The following R3HDM2 variants were observed in gnomAD, a reference collection of about 807,000 sequenced individuals.
The protein encoded by R3HDM2 is R3H domain containing 2, also known as R3H domain-containing protein 2.
A neutral mutation model predicts 124.5 loss-of-function variants in R3HDM2; 38 were observed. The observed-to-expected ratio is 0.31, with a 90% CI of 0.24 to 0.40. R3HDM2 has a LOEUF of 0.40. Ranked by LOEUF, R3HDM2 falls within the 10% of genes least tolerant of loss-of-function variation. The pLI, the probability that R3HDM2 is intolerant of heterozygous loss-of-function variation, is 1.00. For missense variants in R3HDM2, 869 were observed against 1,236.9 expected (o/e 0.70, Z 4.46); for synonymous variants, 391 against 448.0 (o/e 0.87, Z 1.61).
intron 2 of R3HDM2, among the ~76,000 whole-genome samples, chr12:57,316,136 T>C (rs905793934): frequency 1.3e-5 from 2 of 152,184 alleles, no homozygotes; most frequent in Admixed American, 1.3e-4. Context: ...ACCACCAGCC[T>C]CTTGAAGAGC....
Position 57,272,472 on chromosome 12 carries a change from G to A in R3HDM2, c.1345-2478C>T, listed in dbSNP as rs143617893. 8.2e-4 allele frequency: 1,274 copies of A among 1,550,664 alleles called. 7 individuals are homozygous for A. In the Middle Eastern group the frequency reaches 8.5e-3, roughly 10 times the overall value. On this transcript the variant is annotated intron_variant, in intron 14 of 23. Coordinates refer to ENST00000402412, the MANE Select transcript of R3HDM2 (RefSeq NM_001394031.1). ...TTATACCATGTTGTACTGCTGGGGC[G>A]GAGAGACTGGCAGAAGGACTTGGGG...
chr12:57,296,518 T>G lies in R3HDM2; in HGVS notation c.594A>C (p.Ser198=). The G allele has an allele frequency of 6.4e-7, 1 of 1,551,882 alleles. No homozygotes were observed. The highest frequency in any genetic ancestry group is 8.7e-7 in the Non-Finnish European group (1 of 1,146,988). The change falls in exon 9 of 24, where the codon TCA becomes TCC. Residue 198 remains serine (S), a synonymous_variant. Transcript: ENST00000402412. The surrounding 1 kb of genome is among the most constrained non-coding windows in gnomAD (Gnocchi z 4.5). ...CCCGGTGTAATAGCATCCGGTGATA[T>G]GAGGTCATCTGAGGGAACTTCTTGA... ...NQFKKFPQMT[S]YHRMLLHRVA... is the part of the protein sequence containing the mutation.
chr12:57,341,241 T>C (rs1167232745), intron 2 of R3HDM2: 2 of 192,172 alleles, frequency 1.0e-5, no homozygotes, highest in Non-Finnish European at 1.9e-5. Context: ...TCAGGCACCC[T>C]GCTTCAGCAA....
rs549810404 is a variant in R3HDM2 at position 57,344,144 on chromosome 12, C to T, written c.-35-33681G>A. Among the ~76,000 whole-genome samples the T allele has an allele frequency of 4.6e-5, 7 of 152,240 alleles. No homozygotes were observed. The South Asian group carries it at 8.3e-4, about 18-fold the overall frequency. Reference sequence around the variant, plus strand: ...TCATGATGACTCTTCACACCTAAAACAATTCAGTACGTATCTCCTAACGTT... The same window carrying T: ...TCATGATGACTCTTCACACCTAAAATAATTCAGTACGTATCTCCTAACGTT... On this transcript the variant is annotated intron_variant, in intron 2 of 23. Transcript: ENST00000402412.
chr12:57,359,035 A>G (rs529277617), intron 2 of R3HDM2, among the ~76,000 whole-genome samples: 1 of 151,756 alleles, frequency 6.6e-6, no homozygotes, highest in African/African-American at 2.4e-5. Flanking sequence ...CTCCTGCCTC[A>G]GCCTCCCGAG....
intron 2 of R3HDM2, among the ~76,000 whole-genome samples, chr12:57,315,187 G>A (rs945582799): frequency 3.3e-5 from 5 of 151,968 alleles, no homozygotes; most frequent in East Asian, 1.9e-4. Flanking sequence ...ACATGCGCTC[G>A]CTTCCATACC....
At chr12:57,398,260 T>C (rs931083651) in intron 1 of R3HDM2, among the ~76,000 whole-genome samples, 2 of 152,172 alleles carry the variant, frequency 1.3e-5, no homozygotes, top group African/African-American at 4.8e-5. Context: ...TTCGTATCTG[T>C]ACCTGCAATT....
At chr12:57,416,929 G>T (rs886321601) in intron 1 of R3HDM2, among the ~76,000 whole-genome samples, 5 of 151,762 alleles carry the variant, frequency 3.3e-5, no homozygotes, top group African/African-American at 1.2e-4. Context: ...GGCCAACATG[G>T]TGAAACCCCA....
Position 57,310,244 on chromosome 12 carries a change from A to C in R3HDM2, c.165+20T>G. On this transcript the variant is annotated intron_variant, in intron 3 of 23. Coordinates refer to ENST00000402412, the MANE Select transcript of R3HDM2 (RefSeq NM_001394031.1). Reference sequence around the variant, plus strand: ...AAGGAAAAAAAAAAAGTGTGCATACAATGCATTTCCAATCGTTACCTGTGT... The same window carrying C: ...AAGGAAAAAAAAAAAGTGTGCATACCATGCATTTCCAATCGTTACCTGTGT... The C allele has an allele frequency of 6.7e-7, 1 of 1,492,752 alleles. No homozygotes were observed. The highest frequency in any genetic ancestry group is 1.3e-5 in the South Asian group (1 of 74,866). The allele number at this position is 1,492,752 out of a possible 1,614,324, so 92.5% of individuals were successfully genotyped here. A position where few individuals can be genotyped will look rare whatever the true frequency, so the allele number is the denominator to read the frequency against.
chr12:57,400,440 G>C (rs2067945052), intron 1 of R3HDM2, among the ~76,000 whole-genome samples: 1 of 151,908 alleles, frequency 6.6e-6, no homozygotes, highest in Admixed American at 6.6e-5. Flanking sequence ...TTGTGGGGTG[G>C]GGGGAAGGGG....
In R3HDM2 at chr12:57,295,465, A is replaced by G; in HGVS notation, c.744T>C (p.Asn248=). 6.4e-7 allele frequency: 1 copy of G among 1,551,728 alleles called. No individual in the cohort carries two copies. Among genetic ancestry groups the G allele is most frequent in the Non-Finnish European group, 8.7e-7 (1 of 1,146,962 alleles). Residue 248 remains asparagine (N), a synonymous_variant, in exon 10 of 24, where the codon AAT becomes AAC. Coordinates refer to ENST00000402412, the MANE Select transcript of R3HDM2 (RefSeq NM_001394031.1). ...RFSEHIKDEK[N]TEFQQRFILK... ...GAATGAACCTCTGTTGAAATTCTGT[A>G]TTCTTCTCATCCTTTATATGTTCTG...
intron 2 of R3HDM2, among the ~76,000 whole-genome samples, chr12:57,316,308 C>G (rs1355875697): frequency 6.6e-6 from 1 of 152,156 alleles, no homozygotes; most frequent in African/African-American, 2.4e-5. Flanking sequence ...AGACCTTATC[C>G]CCAATCCCTG....
Position 57,284,066 on chromosome 12 carries a change from C to T in R3HDM2, c.939-10G>A. Reference sequence around the variant, plus strand: ...TCCTTCACGGTTCCCCCTGCAGAGACCATAGTGGTCAGAGCACCTCCCACC... The same window carrying T: ...TCCTTCACGGTTCCCCCTGCAGAGATCATAGTGGTCAGAGCACCTCCCACC... On this transcript the variant is annotated splice_polypyrimidine_tract_variant and intron_variant, in intron 12 of 23. Transcript: ENST00000402412. 1 of 1,581,060 alleles carries T rather than the reference C, an allele frequency of 6.3e-7. No homozygotes were observed. Among genetic ancestry groups the T allele is most frequent in the Non-Finnish European group, 8.6e-7 (1 of 1,163,590 alleles).
chr12:57,284,014 C>G lies in R3HDM2; in HGVS notation c.981G>C (p.Gln327His). Reference sequence around the variant, plus strand: ...ATTTGAGTTCGCTGTCTGTGCTGCTCTGGCGGCTGCTTGAGGTGCGGCTCA... The same window carrying G: ...ATTTGAGTTCGCTGTCTGTGCTGCTGTGGCGGCTGCTTGAGGTGCGGCTCA... ...EGLSRTSSSR[Q>H]SSTDSELKSL... Residue 327 changes from glutamine to histidine, a missense_variant, in exon 13 of 24, where the codon CAG becomes CAC. By Grantham distance (24) the Gln-to-His change is conservative. Around this residue, in one of 2 missense-constraint regions of R3HDM2, gnomAD observed 267 missense variants for 447.7 expected, o/e 0.60. Coordinates refer to ENST00000402412, the MANE Select transcript of R3HDM2 (RefSeq NM_001394031.1). 2 of 1,612,988 alleles carry G rather than the reference C, an allele frequency of 1.2e-6. No individual in the cohort carries two copies. Among genetic ancestry groups the G allele is most frequent in the Non-Finnish European group, 1.7e-6 (2 of 1,179,418 alleles).
At chr12:57,360,230 G>A (rs554006851) in intron 2 of R3HDM2, among the ~76,000 whole-genome samples, 1 of 151,262 alleles carries the variant, frequency 6.6e-6, no homozygotes, top group South Asian at 2.1e-4. Context: ...GTTTCACCAT[G>A]TTGGCTAGGC....
rs865827734 is a variant in R3HDM2, at chr12:57,296,461, A to G, written c.651T>C (p.Val217=). The change falls in exon 9 of 24, where the codon GTT becomes GTC. Residue 217 remains valine (V), a synonymous_variant. Transcript: ENST00000402412. The surrounding 1 kb of genome is among the most constrained non-coding windows in gnomAD (Gnocchi z 4.5). ...TGATGACAGCTTTCCCAGTTTGATC[A>G]ACATTGTGGTCCATCCCAAAATAGG... ...VAAYFGMDHN[V]DQTGKAVIIN... is the part of the protein sequence containing the mutation. The G allele has an allele frequency of 2.6e-5, 41 of 1,552,164 alleles. 1 individual carries two copies. The Middle Eastern group carries it at 3.3e-3, about 126-fold the overall frequency.
chr12:57,426,215 G>A (rs542222382), intron 1 of R3HDM2, among the ~76,000 whole-genome samples: 6 of 152,188 alleles, frequency 3.9e-5, no homozygotes, highest in South Asian at 2.1e-4. Flanking sequence ...GCGACAGAGC[G>A]AGACTCCATC....
At chr12:57,270,483 G>C (rs1280331800) in intron 14 of R3HDM2, among the ~76,000 whole-genome samples, 2 of 151,960 alleles carry the variant, frequency 1.3e-5, no homozygotes, top group African/African-American at 4.8e-5. Context: ...AGGCTGTAGT[G>C]CAATGGTGCA....
chr12:57,384,566 G>A (rs1006615052), intron 2 of R3HDM2, among the ~76,000 whole-genome samples: 2 of 152,112 alleles, frequency 1.3e-5, no homozygotes, highest in African/African-American at 4.8e-5. Flanking sequence ...CAGATGTACA[G>A]GTCACCATGA....
Sources: gnomAD v4.1 joint callset for allele counts (sites outside exome capture counted in the v4.1 genomes callset) on GRCh38, gnomAD v4.1.1 for gene constraint, gnomAD v4.1.1 regional missense constraint, Gnocchi (gnomAD v3.1) non-coding constraint, MANE v1.5 for transcripts, NCBI Gene and HGNC (gene_info 2026-07-23, HGNC 2026-07-21) for gene names.